Variants in MAP4K4 observed in about 807,000 individuals in gnomAD.
MAP4K4 encodes mitogen-activated protein kinase kinase kinase kinase 4, also known as HPK/GCK-like kinase HGK.
In MAP4K4, 38 loss-of-function variants were observed where a neutral mutation model predicts 189.6. The ratio of observed to expected loss-of-function variants is 0.20; its 90% CI spans 0.15 to 0.26. The LOEUF (loss-of-function observed/expected upper bound fraction) is 0.26, where lower values mean the gene tolerates loss of function less well. Among genes scored for constraint, MAP4K4 ranks in the 10% least tolerant of loss-of-function variants. The pLI is 1.00. For missense variants in MAP4K4, 1,054 were observed against 1,726.9 expected (o/e 0.61, Z 6.91); for synonymous variants, 610 against 624.3 (o/e 0.98, Z 0.34).
intron 3 of MAP4K4, among the ~76,000 whole-genome samples, chr2:101,805,631 A>G (rs2094854002): frequency 6.6e-6 from 1 of 152,230 alleles, no homozygotes; most frequent in African/African-American, 2.4e-5. Context: ...GTTATAGGGA[A>G]AATATTCACG....
intron 3 of MAP4K4, among the ~76,000 whole-genome samples, chr2:101,808,407 G>A (rs2095156016): frequency 6.6e-6 from 1 of 152,148 alleles, no homozygotes; most frequent in Non-Finnish European, 1.5e-5. Context: ...CGTGCTGGGT[G>A]GTGAATGTTT....
chr2:101,803,853 C>T (rs1221008426), intron 3 of MAP4K4, among the ~76,000 whole-genome samples: 2 of 152,164 alleles, frequency 1.3e-5, no homozygotes, highest in Non-Finnish European at 2.9e-5. Context: ...TTTGGTGAGA[C>T]ATTTTTATCT....
chr2:101,773,573 T>G (rs966884500), intron 2 of MAP4K4, among the ~76,000 whole-genome samples: 1 of 152,182 alleles, frequency 6.6e-6, no homozygotes, highest in African/African-American at 2.4e-5. Context: ...CCCTCATGCA[T>G]TTATCCTTTG....
chr2:101,820,157 C>G (rs915033577), intron 3 of MAP4K4, among the ~76,000 whole-genome samples: 3 of 152,134 alleles, frequency 2.0e-5, no homozygotes, highest in Non-Finnish European at 4.4e-5. Flanking sequence ...TAAATGGAAC[C>G]TAGTCGAATT....
At chr2:101,734,771 C>G (rs2059735092) in intron 2 of MAP4K4, among the ~76,000 whole-genome samples, 1 of 152,138 alleles carries the variant, frequency 6.6e-6, no homozygotes, top group African/African-American at 2.4e-5. Context: ...AATCCTGGGT[C>G]TGTGCTCTTG....
intron 26 of MAP4K4, among the ~76,000 whole-genome samples, chr2:101,876,451 A>G (rs1330570204): frequency 6.6e-6 from 1 of 152,240 alleles, no homozygotes; most frequent in Non-Finnish European, 1.5e-5. Flanking sequence ...AGAACTGACT[A>G]CAGTTGTTTC....
intron 2 of MAP4K4, among the ~76,000 whole-genome samples, chr2:101,721,048 T>G (rs2051586298): frequency 6.6e-6 from 1 of 152,242 alleles, no homozygotes; most frequent in Admixed American, 6.5e-5. Context: ...TTACTAGCAT[T>G]AATTCAGATC....
At chr2:101,718,252 G>A (rs367782161) in intron 2 of MAP4K4, among the ~76,000 whole-genome samples, 5 of 139,618 alleles carry the variant, frequency 3.6e-5, no homozygotes, top group South Asian at 2.2e-4. Flanking sequence ...GCTAGACTCC[G>A]TCTCAAAAAA....
At chr2:101,829,637 CACAA>C in intron 6 of MAP4K4, 43 bp downstream of exon 6, 3 of 1,375,394 alleles carry the variant, frequency 2.2e-6, no homozygotes, top group Non-Finnish European at 3.1e-6. Flanking sequence ...TTGCACCTGG[CACAA>C]GCCAGCTGCA....
chr2:101,846,475 C>T (rs1016544029), intron 12 of MAP4K4, among the ~76,000 whole-genome samples: 1 of 152,192 alleles, frequency 6.6e-6, no homozygotes, highest in Non-Finnish European at 1.5e-5. Flanking sequence ...AACACAGGCA[C>T]TGGAAATGTC....
intron 2 of MAP4K4, among the ~76,000 whole-genome samples, chr2:101,712,388 G>T (rs1255154211): frequency 6.6e-6 from 1 of 151,948 alleles, no homozygotes; most frequent in East Asian, 1.9e-4. Context: ...TAGAGACGGG[G>T]TTTCACCGTG....
chr2:101,878,984 AAAC>A (rs1273793984), intron 27 of MAP4K4, among the ~76,000 whole-genome samples: 1 of 152,120 alleles, frequency 6.6e-6, no homozygotes, highest in East Asian at 1.9e-4. Context: ...AAGTTGGAGA[AAAC>A]AAATCTGCAT....
At position 101,829,677 on chromosome 2, in the gene MAP4K4, A is replaced by G. The variant is rs1032888837; in HGVS notation, c.508+83A>G. 21 of 906,746 alleles carry G rather than the reference A, an allele frequency of 2.3e-5. No individual in the cohort carries two copies. The African/African-American group carries it at 3.0e-4, about 13-fold the overall frequency. The allele number at this position is 906,746 out of a possible 1,614,324, so 56.2% of individuals were successfully genotyped here. ...CTCCCAGTTCTGCTTCCATCTAGCT[A>G]AAAGTTCAGTCTTACCCATGTTTTC... On this transcript the variant is annotated intron_variant, in intron 6 of 32. Coordinates refer to ENST00000324219, the Ensembl canonical transcript of MAP4K4.
intron 2 of MAP4K4, among the ~76,000 whole-genome samples, chr2:101,739,406 A>G (rs981074775): frequency 6.3e-5 from 5 of 79,894 alleles, no homozygotes; most frequent in African/African-American, 9.9e-5. Context: ...CTAAAATATC[A>G]TTTAATTCTA....
intron 4 of MAP4K4, 120 bp from the exon 5 acceptor site, chr2:101,825,199 T>G (rs1306991446): frequency 1.7e-6 from 1 of 591,282 alleles, no homozygotes; most frequent in Admixed American, 3.2e-5. Context: ...CAAATTATTA[T>G]GAATTATTGA....
Position 101,882,569 on chromosome 2 carries a change from G to A in MAP4K4, c.3404G>A (p.Arg1135His), listed in dbSNP as rs1170753384. The change falls in exon 28 of 33, where the codon CGT (arginine) becomes CAT (histidine). Residue 1135 changes from arginine to histidine, a missense_variant. By Grantham distance (29) the Arg-to-His change is conservative. Coordinates refer to ENST00000324219, the Ensembl canonical transcript of MAP4K4. ...TTGCTAGGCAAAAAGGATAAGTTAC[G>A]TGTCTACTATTTGTCCTGGTTAAGA... 1.3e-6 allele frequency: 2 copies of A among 1,594,564 alleles called. No individual in the cohort carries two copies. The highest frequency in any genetic ancestry group is 1.8e-5 in the Admixed American group (1 of 54,266).
intron 3 of MAP4K4, among the ~76,000 whole-genome samples, chr2:101,798,268 A>G (rs77435990): frequency 0.017 from 2,643 of 152,200 alleles, 85 homozygotes; most frequent in African/African-American, 0.06. Flanking sequence ...ATATCTGTAT[A>G]TAACTATATA....
Position 101,890,666 on chromosome 2 carries a change from A to G in MAP4K4, c.4072-500A>G, listed in dbSNP as rs56028422. 7.6e-3 allele frequency among the ~76,000 whole-genome samples: 1,152 copies of G among 151,976 alleles called. 14 individuals carry two copies. Among genetic ancestry groups the G allele is most frequent in the Non-Finnish European group, 0.013 (906 of 67,972 alleles). ...GAGATGCGGTTTCACTATCTTGGCCAGGCTGGTCTTGAACTCCTGACCTCA... is the reference window on the plus strand; with the variant it reads ...GAGATGCGGTTTCACTATCTTGGCCGGGCTGGTCTTGAACTCCTGACCTCA... On this transcript the variant is annotated intron_variant, in intron 32 of 32. Transcript: ENST00000324219.
chr2:101,883,884 A>G (rs1184503149), intron 28 of MAP4K4, among the ~76,000 whole-genome samples: 3 of 152,162 alleles, frequency 2.0e-5, no homozygotes, highest in Non-Finnish European at 2.9e-5. Context: ...GGGAAAGTAG[A>G]ACTATCTGCT....
Sources: allele counts gnomAD v4.1 joint callset (sites outside exome capture counted in the v4.1 genomes callset), GRCh38; gene constraint gnomAD v4.1.1; transcripts MANE v1.5; gene names NCBI Gene and HGNC (gene_info 2026-07-23, HGNC 2026-07-21).